The following LIPJ variants were observed in gnomAD, a reference collection of about 807,000 sequenced individuals.
LIPJ encodes lipase member J.
A neutral mutation model predicts 39.8 loss-of-function variants in LIPJ; 33 were observed. The ratio of observed to expected loss-of-function variants is 0.83; its 90% CI spans 0.63 to 1.11. The LOEUF (loss-of-function observed/expected upper bound fraction) is 1.11. LIPJ is among the 50% of genes least tolerant of loss of function. The probability of loss-of-function intolerance (pLI) is 0.00; values close to 1 mark genes in which losing one functional copy is unlikely to be tolerated. For missense variants in LIPJ, 422 were observed against 427.9 expected (o/e 0.99, Z 0.12); for synonymous variants, 128 against 139.2 (o/e 0.92, Z 0.57).
At chr10:88,591,356 G>T in intron 3 of LIPJ, 22 bp from the exon 4 acceptor site, 3 of 1,568,292 alleles carry the variant, frequency 1.9e-6, no homozygotes, top group Non-Finnish European at 2.6e-6. Context: ...TATGCTAAAA[G>T]ATTTGCTTTT....
upstream of LIPJ, among the ~76,000 whole-genome samples, chr10:88,585,359 T>C (rs190132031): frequency 6.6e-6 from 1 of 152,328 alleles, no homozygotes; most frequent in Admixed American, 6.5e-5. Flanking sequence ...AATTATCTTC[T>C]ATAGCTTCTT....
intron 4 of LIPJ, 112 bp from the exon 5 acceptor site, chr10:88,593,834 A>G (rs1226799526): frequency 1.7e-5 from 15 of 891,700 alleles, no homozygotes; most frequent in Non-Finnish European, 2.4e-5. Flanking sequence ...TTATGAAAAC[A>G]ATTTTTTAAA....
upstream of LIPJ, chr10:88,583,783 A>T: frequency 1.1e-6 from 1 of 880,300 alleles, no homozygotes; most frequent in Non-Finnish European, 1.4e-6. Flanking sequence ...TCCATCTGGG[A>T]AATGGAAACA....
intron 8 of LIPJ, among the ~76,000 whole-genome samples, chr10:88,599,757 T>G (rs554540292): frequency 2.9e-4 from 44 of 151,388 alleles, no homozygotes; most frequent in African/African-American, 8.7e-4. Context: ...ATTTTTATGG[T>G]TTTTTTTGTT....
the LIPJ span, among the ~76,000 whole-genome samples, chr10:88,613,759 T>G: frequency 1.3e-5 from 1 of 77,794 alleles, no homozygotes; most frequent in East Asian, 3.9e-4. Flanking sequence ...TATATATATA[T>G]ATGTGTGTGT....
the LIPJ span, among the ~76,000 whole-genome samples, chr10:88,614,421 T>A: frequency 6.6e-6 from 1 of 152,012 alleles, no homozygotes; most frequent in African/African-American, 2.4e-5. Flanking sequence ...TTTTCCATAA[T>A]CAAAAGTTAA....
chr10:88,603,070 T>C (rs1851549457), intron 9 of LIPJ, among the ~76,000 whole-genome samples: 1 of 152,168 alleles, frequency 6.6e-6, no homozygotes, highest in South Asian at 2.1e-4. Context: ...CCAGCCTGGG[T>C]GACAGAGTAA....
chr10:88,621,430 G>A, the LIPJ span, among the ~76,000 whole-genome samples: 4 of 152,152 alleles, frequency 2.6e-5, no homozygotes, highest in Admixed American at 6.6e-5. Context: ...CATACTGCAT[G>A]ATTCCATTTA....
At chr10:88,608,003 A>C (rs1450598646), downstream of LIPJ, among the ~76,000 whole-genome samples, 1 of 152,256 alleles carries the variant, frequency 6.6e-6, no homozygotes, top group Non-Finnish European at 1.5e-5. Context: ...CTTGTGCTCT[A>C]GCAGACAGAG....
the LIPJ span, among the ~76,000 whole-genome samples, chr10:88,615,985 G>A: frequency 4.6e-5 from 7 of 152,196 alleles, no homozygotes; most frequent in South Asian, 2.1e-4. Context: ...GCCAAGGTGG[G>A]AGGATCGCAT....
the LIPJ span, among the ~76,000 whole-genome samples, chr10:88,620,361 G>T: frequency 1.3e-5 from 2 of 152,248 alleles, no homozygotes; most frequent in East Asian, 3.9e-4. Context: ...ACAATTTCTT[G>T]TTCTGGATAA....
chr10:88,597,348 T>G (rs875050), intron 8 of LIPJ, among the ~76,000 whole-genome samples: 123,360 of 151,770 alleles, frequency 0.81, 50,893 homozygotes, highest in East Asian at 0.99. Flanking sequence ...ATTAGTGCCT[T>G]CCAATTATCT....
rs935117943 is a variant in LIPJ, at chr10:88,606,794, C to T, written c.988C>T (p.His330Tyr). 5 of 1,612,648 alleles carry T rather than the reference C, an allele frequency of 3.1e-6. No homozygotes were observed. The Admixed American group carries it at 6.7e-5, about 22-fold the overall frequency. ...CATTTTACATTCTGAAATCACAAAC[C>T]ACATTTATTATAAAACTATTTCTTA... Residue 330 changes from histidine to tyrosine, a missense_variant, in exon 11 of 11, where the codon CAC (histidine) becomes TAC (tyrosine). Transcript: ENST00000371939.
chr10:88,596,552 G>C, intron 7 of LIPJ, 136 bp downstream of exon 7: 1 of 983,576 alleles, frequency 1.0e-6, no homozygotes, highest in Non-Finnish European at 1.4e-6. Context: ...CTACATTCTT[G>C]TTTTTGTTTC....
intron 9 of LIPJ, among the ~76,000 whole-genome samples, chr10:88,603,406 A>C (rs1188625171): frequency 1.3e-5 from 2 of 152,298 alleles, no homozygotes; most frequent in East Asian, 3.9e-4. Flanking sequence ...TGTATTTCCA[A>C]GGTCAACAGT....
intron 8 of LIPJ, among the ~76,000 whole-genome samples, chr10:88,600,941 C>CTTATTTT (rs576115420): frequency 6.6e-6 from 1 of 151,888 alleles, no homozygotes; most frequent in Non-Finnish European, 1.5e-5. Flanking sequence ...TTTATTTTAT[C>CTTATTTT]TTATTTTTTA....
At chr10:88,622,172 TTGAC>T in the LIPJ span, among the ~76,000 whole-genome samples, 1 of 152,186 alleles carries the variant, frequency 6.6e-6, no homozygotes, top group Non-Finnish European at 1.5e-5. Context: ...CTCACAATAG[TTGAC>T]TGACTGATTT....
intron 8 of LIPJ, 91 bp from the exon 9 acceptor site, chr10:88,602,485 G>T: frequency 2.7e-6 from 2 of 744,780 alleles, no homozygotes; most frequent in South Asian, 2.5e-5. Context: ...AAATTTTCTT[G>T]AAATAATTTA....
At chr10:88,596,644 C>G in intron 7 of LIPJ, 146 bp from the exon 8 acceptor site, 2 of 863,122 alleles carry the variant, frequency 2.3e-6, no homozygotes, top group Non-Finnish European at 1.8e-6. Context: ...ATCTCCACAC[C>G]CTGCTTCCAA....
Sources: allele counts gnomAD v4.1 joint callset (sites outside exome capture counted in the v4.1 genomes callset), GRCh38; gene constraint gnomAD v4.1.1; transcripts MANE v1.5; gene names NCBI Gene and HGNC (gene_info 2026-07-23, HGNC 2026-07-21).